The following FGF7 variants were observed in gnomAD, a reference collection of about 807,000 sequenced individuals.
FGF7 encodes FGF-7.
Under a neutral mutation model 20.5 loss-of-function variants are expected in FGF7, and 6 were observed. The ratio of observed to expected loss-of-function variants is 0.29; its 90% CI spans 0.16 to 0.58. The LOEUF (loss-of-function observed/expected upper bound fraction) is 0.58, where lower values mean the gene tolerates loss of function less well. Ranked by LOEUF, FGF7 falls within the 20% of genes least tolerant of loss-of-function variation. FGF7 has a pLI of 0.90. For synonymous variants in FGF7, 64 were observed against 74.7 expected, an observed-to-expected ratio of 0.86 and a Z score of 0.74; for missense variants, 144 against 228.8, an observed-to-expected ratio of 0.63 and a Z score of 2.39.
intron 2 of FGF7, among the ~76,000 whole-genome samples, chr15:49,429,535 G>C (rs2050411459): frequency 6.6e-6 from 1 of 151,786 alleles, no homozygotes. Context: ...TACAGTTCTA[G>C]AGCATTCAGA....
chr15:49,488,015 C>G lies in FGF7; in HGVS notation c.*3511C>G, dbSNP rs530501605. ...TAAAGAAAACCAGAACTCAAATTCACCACGCATAGGAGTGATAACAAAAAT... is the reference window on the plus strand; with the variant it reads ...TAAAGAAAACCAGAACTCAAATTCAGCACGCATAGGAGTGATAACAAAAAT... On this transcript the variant is annotated 3_prime_UTR_variant, in exon 4 of 4. Coordinates refer to ENST00000267843, the MANE Select transcript of FGF7 (RefSeq NM_002009.4). The G allele has an allele frequency of 6.6e-6, 1 of 152,030 alleles. No individual in the cohort carries two copies. Among genetic ancestry groups the G allele is most frequent in the South Asian group, 2.1e-4 (1 of 4,826 alleles). 9.4% of individuals were successfully genotyped at this position (152,030 alleles called of 1,614,324 possible).
chr15:49,459,016 AAC>A (rs1266164985), intron 2 of FGF7, among the ~76,000 whole-genome samples: 1 of 152,212 alleles, frequency 6.6e-6, no homozygotes, highest in Non-Finnish European at 1.5e-5. Flanking sequence ...TCTATTAAAA[AAC>A]ACACAAAATC....
chr15:49,463,790 A>G (rs961556600), intron 2 of FGF7, among the ~76,000 whole-genome samples: 2 of 152,204 alleles, frequency 1.3e-5, no homozygotes, highest in Non-Finnish European at 2.9e-5. Context: ...TTTATGGAAT[A>G]GATTCTGAGG....
chr15:49,483,310 T>C (rs2056121038), intron 3 of FGF7, 56 bp downstream of exon 3: 5 of 850,118 alleles, frequency 5.9e-6, no homozygotes, highest in Non-Finnish European at 9.8e-6. Flanking sequence ...TGTCAAAATA[T>C]CTCACCTTTC....
At chr15:49,435,650 T>C (rs1037823580) in intron 2 of FGF7, among the ~76,000 whole-genome samples, 4 of 151,728 alleles carry the variant, frequency 2.6e-5, no homozygotes, top group African/African-American at 9.6e-5. Context: ...TTCTCTTAAC[T>C]GGCTGGAAGA....
rs1180472380 is a variant in FGF7, at chr15:49,459,545, T to C, written c.287-23606T>C. On this transcript the variant is annotated intron_variant, in intron 2 of 3. Coordinates refer to ENST00000267843, the MANE Select transcript of FGF7 (RefSeq NM_002009.4). ...AGTGCTTTTCTTTTCCCATCCTCTA[T>C]CTTTATCTTAATTATTTTAAAGTCC... Among the ~76,000 whole-genome samples the C allele has an allele frequency of 3.3e-5, 5 of 152,180 alleles. No homozygotes were observed. The East Asian group carries it at 7.7e-4, about 23-fold the overall frequency.
At chr15:49,478,633 T>A (rs887979123) in intron 2 of FGF7, among the ~76,000 whole-genome samples, 2 of 152,178 alleles carry the variant, frequency 1.3e-5, no homozygotes, top group African/African-American at 2.4e-5. Context: ...AATGTTCTGA[T>A]TGGCTAACCA....
chr15:49,479,983 A>G (rs1477959095), intron 2 of FGF7, among the ~76,000 whole-genome samples: 1 of 152,184 alleles, frequency 6.6e-6, no homozygotes, highest in Non-Finnish European at 1.5e-5. Flanking sequence ...GCAAGTGAAC[A>G]AAAGAGTGAT....
intron 2 of FGF7, among the ~76,000 whole-genome samples, chr15:49,430,470 G>C (rs1266111817): frequency 6.6e-6 from 1 of 151,802 alleles, no homozygotes; most frequent in Non-Finnish European, 1.5e-5. Context: ...GGAAACCCAG[G>C]GGGAGAGAAC....
intron 3 of FGF7, among the ~76,000 whole-genome samples, chr15:49,483,464 T>C (rs1324658051): frequency 1.3e-5 from 2 of 152,102 alleles, no homozygotes; most frequent in African/African-American, 4.8e-5. Flanking sequence ...GGTTTCTTCA[T>C]CTGTAAAATG....
chr15:49,433,642 A>G (rs919134685), intron 2 of FGF7, among the ~76,000 whole-genome samples: 2 of 151,660 alleles, frequency 1.3e-5, no homozygotes, highest in African/African-American at 4.8e-5. Flanking sequence ...GGTGATTTCA[A>G]GGAACTGGTG....
intron 2 of FGF7, among the ~76,000 whole-genome samples, chr15:49,468,373 G>C (rs1435785168): frequency 1.3e-5 from 2 of 152,082 alleles, no homozygotes; most frequent in South Asian, 4.1e-4. Context: ...TATACTTTCT[G>C]GGTTTCAGTA....
At chr15:49,469,704 T>C (rs774807804) in intron 2 of FGF7, among the ~76,000 whole-genome samples, 79 of 152,230 alleles carry the variant, frequency 5.2e-4, no homozygotes, top group Non-Finnish European at 8.8e-4. Context: ...TAATTAGCAG[T>C]TGTCAGAGAA....
chr15:49,469,777 T>C (rs1373031633), intron 2 of FGF7, among the ~76,000 whole-genome samples: 1 of 152,150 alleles, frequency 6.6e-6, no homozygotes, highest in Non-Finnish European at 1.5e-5. Flanking sequence ...AAGTGATTGA[T>C]AATAGCAGTA....
intron 2 of FGF7, among the ~76,000 whole-genome samples, chr15:49,438,015 G>T (rs2051271556): frequency 6.6e-6 from 1 of 151,624 alleles, no homozygotes; most frequent in African/African-American, 2.4e-5. Context: ...GGAGTCAGAA[G>T]AAAGGGTATC....
intron 2 of FGF7, among the ~76,000 whole-genome samples, chr15:49,478,799 A>G (rs2055610235): frequency 6.6e-6 from 1 of 152,184 alleles, no homozygotes; most frequent in African/African-American, 2.4e-5. Flanking sequence ...ATTGGTGGGC[A>G]TGGATTCTGT....
At position 49,483,216 on chromosome 15, in the gene FGF7, T is replaced by C. The variant is rs755456715; in HGVS notation, c.352T>C (p.Tyr118His). ...AATCAAAGGGGTGGAAAGTGAATTCTATCTTGCAATGAACAAGGAAGGAAA... is the reference window on the plus strand; with the variant it reads ...AATCAAAGGGGTGGAAAGTGAATTCCATCTTGCAATGAACAAGGAAGGAAA... ...VAIKGVESEF[Y>H]LAMNKEGKLY... Residue 118 changes from tyrosine (Y) to histidine (H), a missense_variant, in exon 3 of 4, where the codon TAT becomes CAT. Physicochemically the swap from Tyr to His is moderately conservative, Grantham distance 83. Transcript: ENST00000267843. The C allele has an allele frequency of 3.1e-6, 5 of 1,589,474 alleles. No individual in the cohort carries two copies. Among genetic ancestry groups the C allele is most frequent in the South Asian group, 1.1e-5 (1 of 90,834 alleles).
chr15:49,476,900 A>T (rs1188580063), intron 2 of FGF7, among the ~76,000 whole-genome samples: 2 of 152,122 alleles, frequency 1.3e-5, no homozygotes, highest in Non-Finnish European at 2.9e-5. Flanking sequence ...TCTACTAAAA[A>T]TACAAAAAAA....
chr15:49,459,842 C>G (rs1416180769), intron 2 of FGF7, among the ~76,000 whole-genome samples: 4 of 152,140 alleles, frequency 2.6e-5, no homozygotes, highest in African/African-American at 9.7e-5. Context: ...TTCCCAATAC[C>G]ATGTTGGTAT....
Sources: allele counts gnomAD v4.1 joint callset (sites outside exome capture counted in the v4.1 genomes callset), GRCh38; gene constraint gnomAD v4.1.1; transcripts MANE v1.5; gene names NCBI Gene and HGNC (gene_info 2026-07-23, HGNC 2026-07-21).